Variants in SPINK5 observed in about 807,000 individuals in gnomAD.
SPINK5 encodes serine peptidase inhibitor Kazal type 5.
SPINK5 carries 125 observed loss-of-function variants against 151.8 expected under a neutral mutation model. The ratio of observed to expected loss-of-function variants is 0.82; its 90% CI spans 0.71 to 0.96. SPINK5 has a LOEUF of 0.96. Ranked by LOEUF, SPINK5 falls within the 40% of genes least tolerant of loss-of-function variation. The pLI, the probability that SPINK5 is intolerant of heterozygous loss-of-function variation, is 0.00. For synonymous variants in SPINK5, 374 were observed against 395.3 expected (o/e 0.95, Z 0.64); for missense variants, 1,194 against 1,291.9 (o/e 0.92, Z 1.16).
intron 4 of SPINK5, among the ~76,000 whole-genome samples, chr5:148,076,166 A>G (rs1752875380): frequency 6.6e-6 from 1 of 151,784 alleles, no homozygotes; most frequent in African/African-American, 2.4e-5. Flanking sequence ...CCTGTACACA[A>G]AGGTCTATCT....
intron 15 of SPINK5, 50 bp from the exon 16 acceptor site, chr5:148,104,902 G>GAA (rs34473560): frequency 2.1e-6 from 3 of 1,422,094 alleles, no homozygotes; most frequent in East Asian, 2.6e-5. Context: ...TCTCAAAAAA[G>GAA]AAAAAAAAAA....
chr5:148,106,827 A>G (rs1205559915), intron 16 of SPINK5, among the ~76,000 whole-genome samples: 1 of 152,176 alleles, frequency 6.6e-6, no homozygotes, highest in African/African-American at 2.4e-5. Flanking sequence ...ACACACACGT[A>G]TGTTTTTGAT....
In SPINK5 at chr5:148,111,905, C is replaced by A. The variant is rs769715833; in HGVS notation, c.1820+10C>A. The A allele has an allele frequency of 1.9e-6, 3 of 1,613,752 alleles. No homozygotes were observed. In the Admixed American group the frequency reaches 5.0e-5, roughly 27 times the overall value. ...TGTGTGAAGCCTTCTTGTGAGTGGG[C>A]GGCAGCCACTGCTGCTACTGAGTGT... On this transcript the variant is annotated intron_variant, in intron 19 of 32. Transcript: ENST00000256084.
At chr5:148,111,978 T>C in intron 19 of SPINK5, 83 bp downstream of exon 19, 2 of 1,602,462 alleles carry the variant, frequency 1.2e-6, no homozygotes, top group Non-Finnish European at 1.7e-6. Flanking sequence ...ATTGGAAGTT[T>C]TCTCCAGGAG....
At chr5:148,114,189 C>T (rs1005349704) in intron 20 of SPINK5, among the ~76,000 whole-genome samples, 173 bp from the exon 21 acceptor site, 11 of 151,648 alleles carry the variant, frequency 7.3e-5, no homozygotes, top group Non-Finnish European at 1.5e-5. Context: ...GAAATACAGC[C>T]ACCTTCTTAA....
chr5:148,093,650 CTT>C (rs1304283706), intron 8 of SPINK5, among the ~76,000 whole-genome samples: 2 of 150,686 alleles, frequency 1.3e-5, no homozygotes, highest in African/African-American at 4.9e-5. Context: ...CTTCTCACAA[CTT>C]TTTTTTCTTT....
intron 2 of SPINK5, among the ~76,000 whole-genome samples, chr5:148,069,030 G>T (rs891362928): frequency 6.6e-6 from 1 of 152,048 alleles, no homozygotes; most frequent in East Asian, 1.9e-4. Flanking sequence ...GAACCTGGGA[G>T]GTAGAGGTTG....
chr5:148,103,740 A>T (rs1283703810), intron 15 of SPINK5, among the ~76,000 whole-genome samples: 2 of 152,130 alleles, frequency 1.3e-5, no homozygotes, highest in African/African-American at 4.8e-5. Context: ...TTTGAGAATT[A>T]TTCTACCCTC....
intron 5 of SPINK5, among the ~76,000 whole-genome samples, chr5:148,088,313 A>AAAT (rs1238259321): frequency 6.6e-6 from 1 of 151,912 alleles, no homozygotes; most frequent in Non-Finnish European, 1.5e-5. Context: ...AGATTTCTAT[A>AAAT]AATAACATTT....
At chr5:148,116,288 G>A (rs1754087520) in intron 21 of SPINK5, 82 bp from the exon 22 acceptor site, 3 of 1,376,144 alleles carry the variant, frequency 2.2e-6, no homozygotes, top group Non-Finnish European at 3.1e-6. Flanking sequence ...TATGTGATTT[G>A]TTCATATAAT....
intron 29 of SPINK5, among the ~76,000 whole-genome samples, chr5:148,126,735 G>C (rs1455871843): frequency 1.3e-5 from 2 of 152,074 alleles, no homozygotes; most frequent in African/African-American, 4.8e-5. Flanking sequence ...GGGATGATAG[G>C]TGTGCACCAC....
At chr5:148,110,817 A>G (rs2113154208) in intron 18 of SPINK5, among the ~76,000 whole-genome samples, 1 of 151,748 alleles carries the variant, frequency 6.6e-6, no homozygotes. Flanking sequence ...GCAAATATCT[A>G]ATATTATTAG....
chr5:148,087,599 C>T (rs1308014112), intron 5 of SPINK5, among the ~76,000 whole-genome samples: 1 of 151,778 alleles, frequency 6.6e-6, no homozygotes, highest in Non-Finnish European at 1.5e-5. Context: ...ATGAAGAACA[C>T]ACAGATTTTT....
rs775696816 is a variant in SPINK5 at position 148,108,763 on chromosome 5, G to A, written c.1618G>A (p.Glu540Lys). The A allele has an allele frequency of 8.1e-6, 13 of 1,611,338 alleles. No homozygotes were observed. The East Asian group carries it at 2.9e-4, about 36-fold the overall frequency. Residue 540 changes from glutamate to lysine, a missense_variant, in exon 18 of 33, where the codon GAA (glutamate) becomes AAA (lysine). Coordinates refer to ENST00000256084, the MANE Select transcript of SPINK5 (RefSeq NM_006846.4). ...CTTTTTCTATTACAGCAAACTTGAA[G>A]AAGAAGAGAAGAAAAATGATAAAGA... ...AMCASVFKLE[E>K]EEKKNDKEEK...
intron 12 of SPINK5, among the ~76,000 whole-genome samples, chr5:148,099,968 G>A (rs948226729): frequency 6.6e-6 from 1 of 152,052 alleles, no homozygotes; most frequent in African/African-American, 2.4e-5. Context: ...TCTCCATTCA[G>A]AAAATCATGC....
At chr5:148,130,933 A>G (rs538450713) in intron 30 of SPINK5, among the ~76,000 whole-genome samples, 45 of 152,228 alleles carry the variant, frequency 3.0e-4, no homozygotes, top group Non-Finnish European at 5.3e-4. Flanking sequence ...AAAGGCGAAT[A>G]TTATTTCTGG....
chr5:148,097,383 A>G (rs191578836), intron 10 of SPINK5, among the ~76,000 whole-genome samples: 213 of 152,120 alleles, frequency 1.4e-3, no homozygotes, highest in Non-Finnish European at 2.6e-3. Context: ...CTATATTCAT[A>G]AATATGTTAG....
intron 17 of SPINK5, among the ~76,000 whole-genome samples, chr5:148,107,907 C>T (rs185236185): frequency 5.3e-5 from 8 of 152,144 alleles, no homozygotes; most frequent in Non-Finnish European, 7.4e-5. Context: ...AAATAAATGC[C>T]GAGAAAAACG....
At chr5:148,123,343 T>TTA (rs914787484) in intron 26 of SPINK5, among the ~76,000 whole-genome samples, 5 of 139,966 alleles carry the variant, frequency 3.6e-5, no homozygotes, top group Non-Finnish European at 7.5e-5. Flanking sequence ...CAGAACAAGA[T>TTA]TATATATATA....
Sources: allele counts gnomAD v4.1 joint callset (sites outside exome capture counted in the v4.1 genomes callset), GRCh38; gene constraint gnomAD v4.1.1; transcripts MANE v1.5; gene names NCBI Gene and HGNC (gene_info 2026-07-23, HGNC 2026-07-21).